The following TSHZ2 variants were observed in gnomAD, a reference collection of about 807,000 sequenced individuals.
TSHZ2 encodes the protein teashirt zinc finger homeobox 2, also known as teashirt homolog 2.
Under a neutral mutation model 74.4 loss-of-function variants are expected in TSHZ2, and 21 were observed. The ratio of observed to expected loss-of-function variants is 0.28; its 90% confidence interval spans 0.20 to 0.41. TSHZ2 has a LOEUF of 0.41. Among genes scored for constraint, TSHZ2 ranks in the 10% least tolerant of loss-of-function variants. The pLI, the probability that TSHZ2 is intolerant of heterozygous loss-of-function variation, is 1.00. For synonymous variants in TSHZ2, 540 were observed against 515.3 expected (o/e 1.05, Z -0.65); for missense variants, 1,244 against 1,293.5 (o/e 0.96, Z 0.59).
At chr20:53,241,528 T>C (rs1350386482) in intron 1 of TSHZ2, among the ~76,000 whole-genome samples, 1 of 152,174 alleles carries the variant, frequency 6.6e-6, no homozygotes, top group Non-Finnish European at 1.5e-5. Context: ...CAGAATGAAT[T>C]GATTGAGAAT....
chr20:53,195,369 GCT>G (rs143119251), intron 1 of TSHZ2, among the ~76,000 whole-genome samples: 6,519 of 152,188 alleles, frequency 0.043, 499 homozygotes, highest in East Asian at 0.35. Flanking sequence ...ATTGTGCATA[GCT>G]CTGTTTTCCC....
intron 1 of TSHZ2, among the ~76,000 whole-genome samples, chr20:53,203,743 T>G (rs956248294): frequency 6.6e-6 from 1 of 152,078 alleles, no homozygotes; most frequent in African/African-American, 2.4e-5. Flanking sequence ...ATCTCCTGAT[T>G]TTTTAGGTCT....
At chr20:53,019,943 A>C (rs1983177999) in intron 1 of TSHZ2, among the ~76,000 whole-genome samples, 1 of 152,196 alleles carries the variant, frequency 6.6e-6, no homozygotes, top group Admixed American at 6.5e-5. Context: ...TAATTGACTC[A>C]CAGTTCTGCA....
chr20:53,131,950 G>A (rs775855064), intron 1 of TSHZ2, among the ~76,000 whole-genome samples: 81 of 151,974 alleles, frequency 5.3e-4, no homozygotes, highest in Admixed American at 1.3e-3. Context: ...GAGCCAGGTT[G>A]AGAAAGTGGG....
chr20:53,297,078 A>G (rs80031600), intron 2 of TSHZ2, among the ~76,000 whole-genome samples: 5,042 of 152,256 alleles, frequency 0.033, 265 homozygotes, highest in African/African-American at 0.12. Context: ...CCATGCTGGC[A>G]AGTCATATCA....
At chr20:53,268,725 C>T (rs1038675266) in intron 2 of TSHZ2, among the ~76,000 whole-genome samples, 1 of 152,186 alleles carries the variant, frequency 6.6e-6, no homozygotes, top group East Asian at 1.9e-4. Flanking sequence ...CTGGAACAAA[C>T]AATAGTCCCT....
At chr20:53,207,966 C>T (rs1247138729) in intron 1 of TSHZ2, among the ~76,000 whole-genome samples, 7 of 148,338 alleles carry the variant, frequency 4.7e-5, no homozygotes, top group Admixed American at 2.1e-4. Flanking sequence ...TCCCAAAGTG[C>T]TGGGATGACA....
chr20:53,191,429 G>A (rs535452346), intron 1 of TSHZ2, among the ~76,000 whole-genome samples: 83 of 152,300 alleles, frequency 5.4e-4, no homozygotes, highest in Admixed American at 9.1e-4. Flanking sequence ...TTGAGAGGCC[G>A]AGGCGGGTGG....
intron 2 of TSHZ2, among the ~76,000 whole-genome samples, chr20:53,337,391 T>A (rs910961982): frequency 6.6e-6 from 1 of 152,226 alleles, no homozygotes; most frequent in Non-Finnish European, 1.5e-5. Context: ...ATGATTTTTT[T>A]AAAAAGTCCC....
At chr20:53,092,861 T>C (rs1985926210) in intron 1 of TSHZ2, among the ~76,000 whole-genome samples, 1 of 152,186 alleles carries the variant, frequency 6.6e-6, no homozygotes, top group African/African-American at 2.4e-5. Context: ...AGTGGATATA[T>C]ATGTTCAGCT....
intron 2 of TSHZ2, among the ~76,000 whole-genome samples, chr20:53,301,173 G>T (rs1236288350): frequency 6.6e-6 from 1 of 151,910 alleles, no homozygotes; most frequent in Non-Finnish European, 1.5e-5. Flanking sequence ...GGCCAGGCTG[G>T]TCTTGAACTC....
intron 1 of TSHZ2, among the ~76,000 whole-genome samples, chr20:53,066,297 T>C (rs1480156806): frequency 6.6e-6 from 1 of 152,072 alleles, no homozygotes; most frequent in Non-Finnish European, 1.5e-5. Context: ...AAGTAGCAAG[T>C]GGAAGTCAGG....
chr20:53,053,460 G>A (rs927804199), intron 1 of TSHZ2, among the ~76,000 whole-genome samples: 3 of 152,016 alleles, frequency 2.0e-5, no homozygotes, highest in Non-Finnish European at 2.9e-5. Context: ...CCAAGAGAAC[G>A]GTCTAGGTAG....
intron 1 of TSHZ2, among the ~76,000 whole-genome samples, chr20:53,086,096 TGCCAGCTG>T (rs1431955965): frequency 6.6e-6 from 1 of 152,178 alleles, no homozygotes. Context: ...GTGGGGTGGG[TGCCAGCTG>T]CCCACTGTGC....
At chr20:53,413,720 A>C (rs964633471) in intron 2 of TSHZ2, among the ~76,000 whole-genome samples, 1 of 152,242 alleles carries the variant, frequency 6.6e-6, no homozygotes, top group African/African-American at 2.4e-5. Flanking sequence ...GACCCAGTGC[A>C]GCCTTTCAAA....
At chr20:52,988,272 A>G (rs984992414) in intron 1 of TSHZ2, among the ~76,000 whole-genome samples, 3 of 152,198 alleles carry the variant, frequency 2.0e-5, no homozygotes, top group African/African-American at 7.2e-5. Flanking sequence ...TTGTTTATAT[A>G]CAATCTCTCC....
intron 1 of TSHZ2, among the ~76,000 whole-genome samples, chr20:53,029,352 G>C (rs1006637476): frequency 6.6e-6 from 1 of 152,210 alleles, no homozygotes; most frequent in East Asian, 1.9e-4. Context: ...TTCATTAAAG[G>C]AGAATATAAA....
At chr20:53,313,346 C>A (rs1978868356) in intron 2 of TSHZ2, among the ~76,000 whole-genome samples, 1 of 152,232 alleles carries the variant, frequency 6.6e-6, no homozygotes, top group Non-Finnish European at 1.5e-5. Flanking sequence ...TTCCCTACCT[C>A]CTTAAATAGA....
intron 2 of TSHZ2, among the ~76,000 whole-genome samples, chr20:53,298,764 T>A (rs1458861810): frequency 2.0e-5 from 3 of 152,216 alleles, no homozygotes; most frequent in Non-Finnish European, 4.4e-5. Flanking sequence ...AACAATAGCA[T>A]AGAAGAGTGT....
Sources: gnomAD v4.1 joint callset for allele counts (sites outside exome capture counted in the v4.1 genomes callset) on GRCh38, gnomAD v4.1.1 for gene constraint, MANE v1.5 for transcripts, NCBI Gene and HGNC (gene_info 2026-07-23, HGNC 2026-07-21) for gene names.